Variants in GPC5 observed in about 807,000 individuals in gnomAD.
GPC5 encodes the protein glypican-5.
A neutral mutation model predicts 53.9 loss-of-function variants in GPC5; 47 were observed. The observed-to-expected ratio is 0.87, with a 90% CI of 0.69 to 1.11. The LOEUF (loss-of-function observed/expected upper bound fraction) is 1.11, where lower values mean the gene tolerates loss of function less well. GPC5 is among the 50% of genes most tolerant of loss of function. The probability of loss-of-function intolerance (pLI) is 0.00; values close to 1 mark genes in which losing one functional copy is unlikely to be tolerated. For missense variants in GPC5, 748 were observed against 713.1 expected (o/e 1.05, Z -0.56); for synonymous variants, 286 against 263.3 (o/e 1.09, Z -0.84).
chr13:92,048,645 T>C (rs918263734), intron 6 of GPC5, among the ~76,000 whole-genome samples: 4 of 152,256 alleles, frequency 2.6e-5, no homozygotes, highest in African/African-American at 9.6e-5. Flanking sequence ...ATGATTCTTA[T>C]ACCAGTCATC....
chr13:91,728,435 C>T, intron 3 of GPC5, 97 bp from the exon 4 acceptor site: 3 of 1,182,040 alleles, frequency 2.5e-6, no homozygotes, highest in Non-Finnish European at 3.5e-6. Context: ...GAGGTGAAAG[C>T]AAAAACGTGT....
At chr13:92,048,736 T>C (rs1830642191) in intron 6 of GPC5, among the ~76,000 whole-genome samples, 1 of 152,208 alleles carries the variant, frequency 6.6e-6, no homozygotes, top group Admixed American at 6.5e-5. Flanking sequence ...TCAGAAATTT[T>C]TAAATGTGTT....
intron 7 of GPC5, among the ~76,000 whole-genome samples, chr13:92,411,561 G>A (rs1594179230): frequency 6.6e-6 from 1 of 152,164 alleles, no homozygotes; most frequent in East Asian, 1.9e-4. Flanking sequence ...GACAAACATA[G>A]ATTCAACAGG....
chr13:91,654,767 A>C (rs113900422), intron 2 of GPC5, among the ~76,000 whole-genome samples: 14 of 152,172 alleles, frequency 9.2e-5, no homozygotes, highest in African/African-American at 2.6e-4. Flanking sequence ...TTCTTTCTTT[A>C]TTGCTTGGGT....
intron 6 of GPC5, among the ~76,000 whole-genome samples, chr13:92,126,475 A>G (rs1302633198): frequency 6.6e-6 from 1 of 152,180 alleles, no homozygotes; most frequent in Non-Finnish European, 1.5e-5. Context: ...GTAATAAGTA[A>G]TGTGGGAAAA....
At chr13:91,465,681 C>T (rs1465800043) in intron 2 of GPC5, among the ~76,000 whole-genome samples, 2 of 152,088 alleles carry the variant, frequency 1.3e-5, no homozygotes, top group Admixed American at 6.6e-5. Flanking sequence ...ATTGAAATGT[C>T]AAAATATTTC....
chr13:92,458,745 A>T (rs1053582314), intron 7 of GPC5, among the ~76,000 whole-genome samples: 1 of 152,136 alleles, frequency 6.6e-6, no homozygotes, highest in African/African-American at 2.4e-5. Flanking sequence ...GTTTCTTAAT[A>T]TATGGGCTAC....
intron 7 of GPC5, among the ~76,000 whole-genome samples, chr13:92,694,037 A>T (rs1486192241): frequency 6.6e-6 from 1 of 152,194 alleles, no homozygotes; most frequent in African/African-American, 2.4e-5. Context: ...GCCCAGGTGC[A>T]ACTGGGGCTG....
At chr13:91,921,367 G>C (rs368801129) in intron 6 of GPC5, among the ~76,000 whole-genome samples, 6 of 152,140 alleles carry the variant, frequency 3.9e-5, no homozygotes, top group African/African-American at 1.4e-4. Context: ...ACTGTGAGAG[G>C]AAGTTTTCTA....
chr13:91,716,131 T>C (rs190798013), intron 3 of GPC5, among the ~76,000 whole-genome samples: 3 of 152,222 alleles, frequency 2.0e-5, no homozygotes, highest in Admixed American at 2.0e-4. Context: ...CTATATAACA[T>C]ACTATGGATT....
At position 92,295,687 on chromosome 13, in the gene GPC5, A is replaced by C. The variant is rs1196765784; in HGVS notation, c.1561+150698A>C. Among the ~76,000 whole-genome samples, 4 of 152,194 alleles carry C rather than the reference A, an allele frequency of 2.6e-5. No individual in the cohort carries two copies. The East Asian group carries it at 7.7e-4, about 29-fold the overall frequency. ...GAATTGTGACAGTTTTCTGTTGGAC[A>C]AGGCCTTTTATCATTATATAATGTC... is the stretch of plus-strand genomic sequence containing the variant. On this transcript the variant is annotated intron_variant, in intron 7 of 7. Coordinates refer to ENST00000377067, the MANE Select transcript of GPC5 (RefSeq NM_004466.6).
At chr13:92,695,584 C>T (rs1031228958) in intron 7 of GPC5, among the ~76,000 whole-genome samples, 4 of 151,604 alleles carry the variant, frequency 2.6e-5, no homozygotes, top group African/African-American at 4.9e-5. Context: ...TGATGATCAT[C>T]GTATCTTTTC....
intron 6 of GPC5, among the ~76,000 whole-genome samples, chr13:92,109,278 G>A (rs1019967350): frequency 6.6e-6 from 1 of 151,802 alleles, no homozygotes; most frequent in Non-Finnish European, 1.5e-5. Flanking sequence ...TGTTGCCCAG[G>A]CTGGTCTGAA....
chr13:91,546,207 T>G (rs150293040), intron 2 of GPC5, among the ~76,000 whole-genome samples: 2 of 152,084 alleles, frequency 1.3e-5, no homozygotes, highest in Non-Finnish European at 1.5e-5. Flanking sequence ...TAGAAGAAAA[T>G]AGGAAAACAG....
At chr13:92,335,261 A>C in intron 7 of GPC5, among the ~76,000 whole-genome samples, 1 of 152,150 alleles carries the variant, frequency 6.6e-6, no homozygotes, top group Non-Finnish European at 1.5e-5. Flanking sequence ...CACCACATGG[A>C]AGCTGCCAAG....
At chr13:91,426,015 G>A (rs998607353) in intron 1 of GPC5, among the ~76,000 whole-genome samples, 3 of 152,190 alleles carry the variant, frequency 2.0e-5, no homozygotes, top group African/African-American at 7.2e-5. Context: ...CTAGAGATCT[G>A]TGGAACTTTG....
At chr13:92,701,051 T>C (rs948035098) in intron 7 of GPC5, among the ~76,000 whole-genome samples, 1 of 152,092 alleles carries the variant, frequency 6.6e-6, no homozygotes, top group Non-Finnish European at 1.5e-5. Flanking sequence ...ACTTAAGACT[T>C]TGACATCATG....
At chr13:91,505,951 T>C (rs910326077) in intron 2 of GPC5, among the ~76,000 whole-genome samples, 2 of 152,056 alleles carry the variant, frequency 1.3e-5, no homozygotes, top group African/African-American at 4.8e-5. Context: ...TATTTTATTT[T>C]GCTTTTTTTT....
intron 6 of GPC5, among the ~76,000 whole-genome samples, chr13:92,059,574 A>C (rs2041105305): frequency 6.6e-6 from 1 of 152,046 alleles, no homozygotes; most frequent in South Asian, 2.1e-4. Flanking sequence ...ATAGTATATT[A>C]TTGAGATCTT....
Sources: gnomAD v4.1 joint callset for allele counts (sites outside exome capture counted in the v4.1 genomes callset) on GRCh38, gnomAD v4.1.1 for gene constraint, MANE v1.5 for transcripts, NCBI Gene and HGNC (gene_info 2026-07-23, HGNC 2026-07-21) for gene names.